The following PKIB variants were observed in gnomAD, a reference collection of about 807,000 sequenced individuals.
PKIB encodes cAMP-dependent protein kinase inhibitor beta, also known as PKI-beta.
PKIB carries 2 observed loss-of-function variants against 4.5 expected under a neutral mutation model. The observed-to-expected ratio is 0.44, with a 90% CI of 0.18 to 1.39. The LOEUF (loss-of-function observed/expected upper bound fraction) is 1.39, where lower values mean the gene tolerates loss of function less well. Among genes scored for constraint, PKIB ranks in the 40% most tolerant of loss-of-function variants. The pLI, the probability that PKIB is intolerant of heterozygous loss-of-function variation, is 0.27. For missense variants in PKIB, 94 were observed against 92.6 expected (o/e 1.02, Z -0.06); for synonymous variants, 38 against 36.0 (o/e 1.06, Z -0.20).
chr6:122,651,796 A>T lies in PKIB; in HGVS notation c.-76+18429A>T, dbSNP rs111374115. Among the ~76,000 whole-genome samples the T allele has an allele frequency of 3.8e-3, 585 of 152,292 alleles. 2 individuals are homozygous for T. The highest frequency in any genetic ancestry group is 0.013 in the African/African-American group (544 of 41,558). On this transcript the variant is annotated intron_variant, in intron 2 of 4. Coordinates refer to ENST00000368452, the MANE Select transcript of PKIB (RefSeq NM_181795.3). Reference sequence around the variant, plus strand: ...GTTATTTATACAGAGCTTGAACAGGAAATTTCAAGCCCTGAGTTTATCTTT... The same window carrying T: ...GTTATTTATACAGAGCTTGAACAGGTAATTTCAAGCCCTGAGTTTATCTTT...
intron 2 of PKIB, among the ~76,000 whole-genome samples, chr6:122,495,778 A>G (rs1351079826): frequency 6.6e-6 from 1 of 152,148 alleles, no homozygotes; most frequent in Non-Finnish European, 1.5e-5. Context: ...GAGAGCCAGG[A>G]AGCTATATGT....
intron 2 of PKIB, chr6:122,643,651 T>TTG (rs1776200895): frequency 6.6e-6 from 1 of 152,220 alleles, no homozygotes; most frequent in African/African-American, 2.4e-5. Flanking sequence ...ATATTTTTGA[T>TTG]TAACTTAATG....
At chr6:122,545,218 C>T (rs1413916626) in intron 2 of PKIB, among the ~76,000 whole-genome samples, 1 of 151,936 alleles carries the variant, frequency 6.6e-6, no homozygotes, top group African/African-American at 2.4e-5. Flanking sequence ...TTCACAATAG[C>T]AAAGATACGG....
At chr6:122,694,410 T>C (rs1778478211) in intron 3 of PKIB, among the ~76,000 whole-genome samples, 1 of 152,226 alleles carries the variant, frequency 6.6e-6, no homozygotes, top group African/African-American at 2.4e-5. Flanking sequence ...AGGTGTTTTA[T>C]TCAAACTTGC....
chr6:122,631,583 C>T (rs1016557392), intron 1 of PKIB, among the ~76,000 whole-genome samples: 1 of 152,144 alleles, frequency 6.6e-6, no homozygotes, highest in Non-Finnish European at 1.5e-5. Flanking sequence ...TTTGGAATTT[C>T]ATTGTATGTG....
At chr6:122,518,543 G>A (rs552321834) in intron 2 of PKIB, among the ~76,000 whole-genome samples, 1 of 152,102 alleles carries the variant, frequency 6.6e-6, no homozygotes, top group East Asian at 1.9e-4. Context: ...TTTGAGCTGA[G>A]AACTGAAGGG....
At chr6:122,595,896 C>T (rs564194767) in intron 3 of PKIB, among the ~76,000 whole-genome samples, 6 of 152,304 alleles carry the variant, frequency 3.9e-5, no homozygotes, top group African/African-American at 1.4e-4. Flanking sequence ...TTAAACTCCT[C>T]CTCTGCTGAG....
chr6:122,504,092 G>T (rs1776328204), intron 2 of PKIB, among the ~76,000 whole-genome samples: 1 of 152,104 alleles, frequency 6.6e-6, no homozygotes, highest in South Asian at 2.1e-4. Context: ...TGCTGGCTCA[G>T]TGTTCTGGGC....
intron 2 of PKIB, among the ~76,000 whole-genome samples, chr6:122,633,976 A>G (rs1775809811): frequency 6.6e-6 from 1 of 152,050 alleles, no homozygotes; most frequent in Admixed American, 6.5e-5. Flanking sequence ...CTATCTATCC[A>G]TCTATCTATG....
rs560242209 is a variant in PKIB at position 122,692,807 on chromosome 6, C to T, written c.-9+17663C>T. On this transcript the variant is annotated intron_variant, in intron 3 of 4. Coordinates refer to ENST00000368452, the MANE Select transcript of PKIB (RefSeq NM_181795.3). ...TATTCAGCCATCAAGATCTATCCCTCATCTGGGCTACCTTATTTTAGATTA... is the reference window on the plus strand; with the variant it reads ...TATTCAGCCATCAAGATCTATCCCTTATCTGGGCTACCTTATTTTAGATTA... Among the ~76,000 whole-genome samples, 3 of 152,358 alleles carry T rather than the reference C, an allele frequency of 2.0e-5. No homozygotes were observed. In the East Asian group the frequency reaches 5.8e-4, roughly 29 times the overall value.
intron 2 of PKIB, among the ~76,000 whole-genome samples, chr6:122,636,687 A>G (rs1775930215): frequency 6.6e-6 from 1 of 152,112 alleles, no homozygotes; most frequent in South Asian, 2.1e-4. Flanking sequence ...CCAAAAAAGG[A>G]TTTGGGAGAG....
rs181826035 is a variant in PKIB, at chr6:122,508,811, C to T, written c.-248+30872C>T. Among the ~76,000 whole-genome samples the T allele has an allele frequency of 3.8e-4, 57 of 151,888 alleles. 1 individual carries two copies. The highest frequency in any genetic ancestry group is 1.9e-4 in the East Asian group (1 of 5,158). ...TGTCGCCCAGGCTGGAATGCAGTAA[C>T]GCCATCTCGACTCACTGCAAGCTCC... On this transcript the variant is annotated intron_variant, in intron 2 of 6. Transcript: ENST00000392491.
intron 2 of PKIB, chr6:122,643,356 G>A (rs1242652468): frequency 1.3e-5 from 2 of 152,064 alleles, no homozygotes; most frequent in Non-Finnish European, 2.9e-5. Flanking sequence ...AAAACGTTTT[G>A]CACATTTATA....
At chr6:122,540,327 A>C (rs1034840918) in intron 2 of PKIB, among the ~76,000 whole-genome samples, 16 of 151,368 alleles carry the variant, frequency 1.1e-4, no homozygotes, top group Admixed American at 1.3e-4. Context: ...TAGTGCTATA[A>C]ATTTCCCTCT....
chr6:122,693,018 G>C (rs1288410888), intron 3 of PKIB, among the ~76,000 whole-genome samples: 1 of 152,214 alleles, frequency 6.6e-6, no homozygotes, highest in Non-Finnish European at 1.5e-5. Flanking sequence ...ATTTGCTGAG[G>C]ATAAAGGACT....
At chr6:122,566,065 C>G (rs936807416) in intron 2 of PKIB, among the ~76,000 whole-genome samples, 1 of 146,030 alleles carries the variant, frequency 6.8e-6, no homozygotes, top group African/African-American at 2.5e-5. Flanking sequence ...TTTTTTTTTT[C>G]AAGTACTGAG....
At chr6:122,553,176 CT>C (rs1320213690) in intron 2 of PKIB, among the ~76,000 whole-genome samples, 1 of 152,126 alleles carries the variant, frequency 6.6e-6, no homozygotes, top group Admixed American at 6.5e-5. Context: ...TAATCTGCCC[CT>C]GACCATCTCT....
At chr6:122,478,294 T>C (rs1316468076) in intron 2 of PKIB, 1 of 152,236 alleles carries the variant, frequency 6.6e-6, no homozygotes, top group African/African-American at 2.4e-5. Flanking sequence ...GACTTACTTG[T>C]ATTTTGTGGC....
chr6:122,698,451 G>A (rs1448057150), intron 3 of PKIB, among the ~76,000 whole-genome samples: 1 of 152,144 alleles, frequency 6.6e-6, no homozygotes, highest in African/African-American at 2.4e-5. Context: ...TGGGTACAGA[G>A]GGTCACAGGC....
Sources: allele counts gnomAD v4.1 joint callset (sites outside exome capture counted in the v4.1 genomes callset), GRCh38; gene constraint gnomAD v4.1.1; transcripts MANE v1.5; gene names NCBI Gene and HGNC (gene_info 2026-07-23, HGNC 2026-07-21).